Variants in B4GALNT3 observed in about 807,000 individuals in gnomAD.
The protein encoded by B4GALNT3 is beta-1,4-N-acetylgalactosaminyltransferase 3.
In B4GALNT3, 86 loss-of-function variants were observed where a neutral mutation model predicts 120.2. The ratio of observed to expected loss-of-function variants is 0.72; its 90% CI spans 0.60 to 0.86. The LOEUF (loss-of-function observed/expected upper bound fraction) is 0.86, where lower values mean the gene tolerates loss of function less well. Among genes scored for constraint, B4GALNT3 ranks in the 40% least tolerant of loss-of-function variants. The probability of loss-of-function intolerance (pLI) is 0.00; values close to 1 mark genes in which losing one functional copy is unlikely to be tolerated. For missense variants in B4GALNT3, 1,167 were observed against 1,298.9 expected, an observed-to-expected ratio of 0.90 and a Z score of 1.56; for synonymous variants, 518 against 510.4, an observed-to-expected ratio of 1.01 and a Z score of -0.20.
At chr12:493,809 CA>C (rs1171130873) in intron 1 of B4GALNT3, among the ~76,000 whole-genome samples, 4 of 152,066 alleles carry the variant, frequency 2.6e-5, no homozygotes, top group Admixed American at 6.5e-5. Flanking sequence ...TGAAAAGTAA[CA>C]ATAGATAGAG....
chr12:497,102 T>A (rs974549187), intron 1 of B4GALNT3, among the ~76,000 whole-genome samples: 2 of 152,336 alleles, frequency 1.3e-5, no homozygotes, highest in Admixed American at 6.5e-5. Flanking sequence ...CTGAGAGTAC[T>A]GGGATTACAG....
chr12:465,017 AG>A (rs1946063118), intron 1 of B4GALNT3, among the ~76,000 whole-genome samples: 2 of 152,126 alleles, frequency 1.3e-5, no homozygotes, highest in Non-Finnish European at 2.9e-5. Context: ...GCAGGGAGAG[AG>A]GGAGAAGCAA....
intron 1 of B4GALNT3, among the ~76,000 whole-genome samples, chr12:505,558 G>A (rs549073315): frequency 6.6e-6 from 1 of 152,192 alleles, no homozygotes; most frequent in African/African-American, 2.4e-5. Flanking sequence ...AGATTTGCCT[G>A]GGGGAACATT....
chr12:483,899 G>A (rs190173870), intron 1 of B4GALNT3, among the ~76,000 whole-genome samples: 40 of 152,306 alleles, frequency 2.6e-4, no homozygotes, highest in African/African-American at 9.4e-4. Context: ...CTGCAATGGT[G>A]GAGGGGCGAG....
At chr12:515,495 C>A (rs1211790800) in intron 1 of B4GALNT3, among the ~76,000 whole-genome samples, 1 of 152,158 alleles carries the variant, frequency 6.6e-6, no homozygotes, top group East Asian at 1.9e-4. Context: ...CCGCACCCAG[C>A]CTCAAAGGGT....
chr12:493,790 T>TA (rs574959613), intron 1 of B4GALNT3, among the ~76,000 whole-genome samples: 169 of 152,070 alleles, frequency 1.1e-3, no homozygotes, highest in African/African-American at 3.6e-3. Flanking sequence ...GGAGGCAGTT[T>TA]AAAAAAAATG....
At chr12:530,106 G>A (rs1946791791) in intron 1 of B4GALNT3, among the ~76,000 whole-genome samples, 2 of 150,812 alleles carry the variant, frequency 1.3e-5, no homozygotes, top group African/African-American at 4.9e-5. Flanking sequence ...TATGAATATT[G>A]CCATTATTAC....
chr12:510,502 G>GGCTGGGCTGGGA (rs556557465), intron 1 of B4GALNT3, among the ~76,000 whole-genome samples: 2 of 147,364 alleles, frequency 1.4e-5, no homozygotes, highest in African/African-American at 2.5e-5. Flanking sequence ...GGAGGGAAAC[G>GGCTGGGCTGGGA]GGCCCTTTCA....
At chr12:467,734 C>T (rs903100298) in intron 1 of B4GALNT3, among the ~76,000 whole-genome samples, 1 of 152,184 alleles carries the variant, frequency 6.6e-6, no homozygotes, top group African/African-American at 2.4e-5. Context: ...CTCAAGACTG[C>T]AGGATACATA....
intron 1 of B4GALNT3, among the ~76,000 whole-genome samples, chr12:479,570 C>T (rs983717373): frequency 6.6e-6 from 1 of 152,070 alleles, no homozygotes; most frequent in Non-Finnish European, 1.5e-5. Flanking sequence ...TAAGGACTCT[C>T]GATAAGGGGG....
At chr12:472,717 G>C (rs138982569) in intron 1 of B4GALNT3, among the ~76,000 whole-genome samples, 1 of 152,134 alleles carries the variant, frequency 6.6e-6, no homozygotes, top group African/African-American at 2.4e-5. Context: ...GATTACAGGC[G>C]TGAGCCACCG....
At chr12:521,605 G>A (rs1592039085) in intron 1 of B4GALNT3, among the ~76,000 whole-genome samples, 1 of 152,180 alleles carries the variant, frequency 6.6e-6, no homozygotes, top group Non-Finnish European at 1.5e-5. Flanking sequence ...TAGTTCCTGG[G>A]CCGTCACTGA....
At chr12:475,682 C>G (rs933030196) in intron 1 of B4GALNT3, among the ~76,000 whole-genome samples, 1 of 152,148 alleles carries the variant, frequency 6.6e-6, no homozygotes, top group African/African-American at 2.4e-5. Flanking sequence ...TATTTTAGAA[C>G]CAGCTGACTT....
In B4GALNT3 at chr12:557,622, C is replaced by T. The variant is rs754220888; in HGVS notation, c.2395C>T (p.Arg799Cys). The change falls in exon 16 of 20, where the codon CGC becomes TGC. Residue 799 changes from arginine to cysteine, a missense_variant. Arg to Cys is a radical substitution (Grantham distance 180, BLOSUM62 -3). This residue lies in a region of B4GALNT3 where 983 missense variants were observed against 1,102.5 expected (regional missense o/e 0.89). Transcript: ENST00000266383. ...CCCTGGGGTAGTGAAGAACCAGGCA[C>T]GCTGGGTACAGCAATTCATCAAAGA... ...HFVVPVKNQA[R>C]WVQQFIKDME... 9.9e-6 allele frequency: 16 copies of T among 1,610,752 alleles called. No homozygotes were observed. Among genetic ancestry groups the T allele is most frequent in the East Asian group, 2.2e-5 (1 of 44,776 alleles).
intron 1 of B4GALNT3, among the ~76,000 whole-genome samples, chr12:524,797 G>A (rs1207692459): frequency 6.6e-6 from 1 of 152,196 alleles, no homozygotes; most frequent in Admixed American, 6.5e-5. Flanking sequence ...CCTACCGTAA[G>A]GATTGTTAGG....
chr12:557,964 G>A, intron 16 of B4GALNT3, 52 bp from the exon 17 acceptor site: 5 of 1,587,794 alleles, frequency 3.1e-6, no homozygotes, highest in East Asian at 2.2e-5. Context: ...CTTCCTCCAG[G>A]GGACCACCGC....
chr12:480,090 T>G (rs965912497), intron 1 of B4GALNT3, among the ~76,000 whole-genome samples: 15 of 152,036 alleles, frequency 9.9e-5, no homozygotes, highest in African/African-American at 3.6e-4. Flanking sequence ...AATTTTTTTG[T>G]ATTTTTAGTA....
intron 9 of B4GALNT3, 124 bp from the exon 10 acceptor site, chr12:549,645 C>T: frequency 1.6e-6 from 2 of 1,249,082 alleles, no homozygotes; most frequent in East Asian, 2.5e-5. Context: ...TGGCTGCGCA[C>T]ATCCTACACC....
intron 1 of B4GALNT3, among the ~76,000 whole-genome samples, chr12:515,326 TG>T (rs1229270807): frequency 6.6e-6 from 1 of 152,044 alleles, no homozygotes; most frequent in Non-Finnish European, 1.5e-5. Flanking sequence ...ACTGAGTAGC[TG>T]GGGCTACAGG....
Sources: allele counts gnomAD v4.1 joint callset (sites outside exome capture counted in the v4.1 genomes callset), GRCh38; gene constraint gnomAD v4.1.1; regional missense constraint gnomAD v4.1.1; transcripts MANE v1.5; gene names NCBI Gene and HGNC (gene_info 2026-07-23, HGNC 2026-07-21).